RPS6KC1: variants seen among roughly 807,000 people sequenced by gnomAD.
RPS6KC1 encodes the protein inactive ribosomal protein S6 kinase delta-1.
RPS6KC1 carries 54 observed loss-of-function variants against 103.8 expected under a neutral mutation model. The observed-to-expected ratio is 0.52, with a 90% confidence interval of 0.42 to 0.65. RPS6KC1 has a LOEUF of 0.65. Ranked by LOEUF, RPS6KC1 falls within the 30% of genes least tolerant of loss-of-function variation. The pLI is 0.00. For synonymous variants in RPS6KC1, 439 were observed against 438.7 expected (o/e 1.00, Z -0.01); for missense variants, 1,151 against 1,253.8 (o/e 0.92, Z 1.24).
At chr1:213,836,860 G>A in the RPS6KC1 span, among the ~76,000 whole-genome samples, 1 of 152,092 alleles carries the variant, frequency 6.6e-6, no homozygotes, top group Non-Finnish European at 1.5e-5. Flanking sequence ...ACTGCCCTCA[G>A]GGACTCTGGT....
the RPS6KC1 span, among the ~76,000 whole-genome samples, chr1:213,407,740 G>A: frequency 2.6e-5 from 4 of 152,082 alleles, no homozygotes; most frequent in Non-Finnish European, 4.4e-5. Context: ...CTTGCCTTTT[G>A]TTGGTCTATG....
the RPS6KC1 span, among the ~76,000 whole-genome samples, chr1:213,426,027 G>A: frequency 6.6e-6 from 1 of 152,100 alleles, no homozygotes; most frequent in Non-Finnish European, 1.5e-5. Flanking sequence ...ACCTCTTTTT[G>A]TTCCTTTTCT....
chr1:213,587,295 G>A, the RPS6KC1 span, among the ~76,000 whole-genome samples: 1 of 152,202 alleles, frequency 6.6e-6, no homozygotes, highest in African/African-American at 2.4e-5. Flanking sequence ...GGTGGGGATA[G>A]AGGGGAAGGC....
At chr1:213,323,814 A>C in the RPS6KC1 span, among the ~76,000 whole-genome samples, 1 of 152,154 alleles carries the variant, frequency 6.6e-6, no homozygotes, top group African/African-American at 2.4e-5. Context: ...TATTATCAAT[A>C]TCCCCCACCA....
chr1:213,662,604 T>C, the RPS6KC1 span, among the ~76,000 whole-genome samples: 1 of 152,070 alleles, frequency 6.6e-6, no homozygotes, highest in African/African-American at 2.4e-5. Flanking sequence ...AAAGCATGAC[T>C]TTAATCATAG....
At chr1:213,133,251 CTTGTT>C (rs1298898610) in intron 6 of RPS6KC1, among the ~76,000 whole-genome samples, 2 of 150,294 alleles carry the variant, frequency 1.3e-5, no homozygotes, top group African/African-American at 5.0e-5. Flanking sequence ...TCCTGTCCAT[CTTGTT>C]TATATATTAC....
intron 4 of RPS6KC1, among the ~76,000 whole-genome samples, chr1:213,113,776 A>AT (rs1252080029): frequency 6.6e-6 from 1 of 152,054 alleles, no homozygotes; most frequent in Admixed American, 6.5e-5. Flanking sequence ...CTTTCTACAT[A>AT]TGGCTAGCCA....
chr1:213,063,011 T>A (rs2077987486), intron 1 of RPS6KC1, among the ~76,000 whole-genome samples: 1 of 152,244 alleles, frequency 6.6e-6, no homozygotes, highest in Non-Finnish European at 1.5e-5. Context: ...CACAGTCTGA[T>A]CTTTGTTTTC....
At chr1:213,275,446 C>A (rs1184089464), downstream of RPS6KC1, among the ~76,000 whole-genome samples, 1 of 152,118 alleles carries the variant, frequency 6.6e-6, no homozygotes, top group East Asian at 1.9e-4. Context: ...ATATAAAAAT[C>A]TACTGTTTCT....
chr1:213,708,335 C>G, the RPS6KC1 span, among the ~76,000 whole-genome samples: 1 of 152,168 alleles, frequency 6.6e-6, no homozygotes, highest in Non-Finnish European at 1.5e-5. Flanking sequence ...AGTTGGCTCT[C>G]TCTTTCTATT....
intron 4 of RPS6KC1, among the ~76,000 whole-genome samples, chr1:213,108,178 G>A (rs1328090870): frequency 1.3e-5 from 2 of 151,810 alleles, no homozygotes; most frequent in Non-Finnish European, 2.9e-5. Context: ...GGAACTTTTC[G>A]AGTATCCCAA....
At chr1:213,831,921 T>C in the RPS6KC1 span, among the ~76,000 whole-genome samples, 1 of 152,192 alleles carries the variant, frequency 6.6e-6, no homozygotes, top group African/African-American at 2.4e-5. Flanking sequence ...TCCTTACAAC[T>C]GGATCTTTAA....
chr1:213,468,047 C>T, the RPS6KC1 span, among the ~76,000 whole-genome samples: 55 of 152,190 alleles, frequency 3.6e-4, no homozygotes, highest in Admixed American at 6.5e-4. Context: ...GTTCTCCTAA[C>T]GGGTGAAAGT....
chr1:213,091,710 A>G (rs1030573305), intron 3 of RPS6KC1, among the ~76,000 whole-genome samples: 3 of 152,230 alleles, frequency 2.0e-5, no homozygotes, highest in Non-Finnish European at 4.4e-5. Context: ...GAAGCTGTCA[A>G]GCTTACAGTG....
At chr1:213,735,434 C>A in the RPS6KC1 span, among the ~76,000 whole-genome samples, 6 of 152,224 alleles carry the variant, frequency 3.9e-5, no homozygotes, top group African/African-American at 1.4e-4. Context: ...TTCTGCACCA[C>A]CCTTGTTCTA....
At chr1:213,496,514 T>C in the RPS6KC1 span, among the ~76,000 whole-genome samples, 2 of 152,138 alleles carry the variant, frequency 1.3e-5, no homozygotes, top group Admixed American at 6.5e-5. Flanking sequence ...TCTTAGCACT[T>C]TGGGAGGCTG....
intron 5 of RPS6KC1, among the ~76,000 whole-genome samples, chr1:213,127,472 C>G (rs1206631833): frequency 1.3e-5 from 2 of 152,176 alleles, no homozygotes; most frequent in Non-Finnish European, 2.9e-5. Flanking sequence ...TACTGAACTA[C>G]CATGGTCGTC....
chr1:213,484,588 C>G, the RPS6KC1 span, among the ~76,000 whole-genome samples: 1 of 152,130 alleles, frequency 6.6e-6, no homozygotes, highest in South Asian at 2.1e-4. Flanking sequence ...CCACCAGATA[C>G]GTTATACTCT....
At chr1:213,305,241 C>G in the RPS6KC1 span, among the ~76,000 whole-genome samples, 1 of 152,018 alleles carries the variant, frequency 6.6e-6, no homozygotes, top group South Asian at 2.1e-4. Context: ...CGTGCCACCA[C>G]ACCCAGCTAA....
Sources: allele counts gnomAD v4.1 joint callset (sites outside exome capture counted in the v4.1 genomes callset), GRCh38; gene constraint gnomAD v4.1.1; transcripts MANE v1.5; gene names NCBI Gene and HGNC (gene_info 2026-07-23, HGNC 2026-07-21).